PCSK1: variants seen among roughly 807,000 people sequenced by gnomAD.
PCSK1 encodes the protein proprotein convertase subtilisin/kexin type 1.
A neutral mutation model predicts 90.6 loss-of-function variants in PCSK1; 56 were observed. The observed-to-expected ratio is 0.62, with a 90% CI of 0.50 to 0.77. The LOEUF is 0.77. PCSK1 is among the 30% of genes least tolerant of loss of function. PCSK1 has a pLI of 0.00. For missense variants in PCSK1, 801 were observed against 932.6 expected (o/e 0.86, Z 1.84); for synonymous variants, 348 against 342.4 (o/e 1.02, Z -0.18).
chr5:96,414,649 C>T (rs1230174291), intron 6 of PCSK1, among the ~76,000 whole-genome samples: 1 of 152,176 alleles, frequency 6.6e-6, no homozygotes, highest in African/African-American at 2.4e-5. Flanking sequence ...TCTACACTGC[C>T]ACAAACTTGC....
chr5:96,413,963 CAAAAAAAAAAAA>C (rs61316405), intron 6 of PCSK1, among the ~76,000 whole-genome samples: 1 of 22,436 alleles, frequency 4.5e-5, no homozygotes. Context: ...ACTAAAAATA[CAAAAAAAAAAAA>C]AAAAAAAAAA....
At chr5:96,426,783 T>G (rs1477860208) in intron 2 of PCSK1, among the ~76,000 whole-genome samples, 1 of 152,200 alleles carries the variant, frequency 6.6e-6, no homozygotes, top group African/African-American at 2.4e-5. Flanking sequence ...ATTGTTAATG[T>G]GAGAGTACTC....
intron 6 of PCSK1, chr5:96,412,967 C>G: frequency 9.9e-7 from 1 of 1,010,188 alleles, no homozygotes; most frequent in Non-Finnish European, 1.2e-6. Context: ...GATGCACCTC[C>G]TCATGGCTGT....
In PCSK1 at chr5:96,410,177, G is replaced by A. The variant is rs75859901; in HGVS notation, c.1095+597C>T. Among the ~76,000 whole-genome samples the A allele has an allele frequency of 7.6e-3, 1,160 of 152,174 alleles. 16 individuals carry two copies. The highest frequency in any genetic ancestry group is 0.026 in the African/African-American group (1,092 of 41,514). On this transcript the variant is annotated intron_variant, in intron 8 of 13. Transcript: ENST00000311106. ...GGAAATCCAGTAATTGCCCTTGGCC[G>A]TCTGACTCATGGAAGCAAAGGCGCA...
intron 9 of PCSK1, among the ~76,000 whole-genome samples, chr5:96,403,439 G>A (rs138940599): frequency 2.3e-3 from 353 of 151,992 alleles, no homozygotes; most frequent in African/African-American, 8.3e-3. Context: ...GACAGGCCCC[G>A]GTGTATTTTT....
chr5:96,424,168 G>A (rs903179845), intron 3 of PCSK1, among the ~76,000 whole-genome samples: 4 of 152,286 alleles, frequency 2.6e-5, no homozygotes, highest in Non-Finnish European at 4.4e-5. Context: ...AGAATGCCAG[G>A]TACCCGGTGA....
At chr5:96,396,297 A>G (rs1369890414) in intron 12 of PCSK1, among the ~76,000 whole-genome samples, 3 of 152,206 alleles carry the variant, frequency 2.0e-5, no homozygotes, top group African/African-American at 7.2e-5. Context: ...GTGGTGGCTT[A>G]CACCTGTAAT....
rs1451878228 is a variant in PCSK1 at position 96,412,750 on chromosome 5, A to ATTTTTTT, written c.710-261_710-260insAAAAAAA. ...ACCATGCACTGTGTAGGCAGCTGTG[A>ATTTTTTT]TGTTTTTTTTTTTTTTTTTTTTTTT... On this transcript the variant is annotated intron_variant, in intron 6 of 13. Transcript: ENST00000311106. Among the ~76,000 whole-genome samples, 106 of 63,396 alleles carry ATTTTTTT rather than the reference A, an allele frequency of 1.7e-3. 2 individuals carry two copies. Among genetic ancestry groups the ATTTTTTT allele is most frequent in the African/African-American group, 8.3e-3 (105 of 12,588 alleles). The allele number at this position is 63,396 out of a possible 152,430, so 41.6% of individuals were successfully genotyped here.
chr5:96,426,061 A>C (rs1423766347), intron 2 of PCSK1, 131 bp from the exon 3 acceptor site: 1 of 690,242 alleles, frequency 1.4e-6, no homozygotes, highest in African/African-American at 1.8e-5. Flanking sequence ...ACTACAGATT[A>C]AACTGGCACC....
rs764491977 is a variant in PCSK1, at chr5:96,410,797, C to T, written c.1072G>A (p.Gly358Arg). Residue 358 changes from glycine to arginine, a missense_variant, in exon 8 of 14, where the codon GGA becomes AGA. Physicochemically the swap from Gly to Arg is moderately radical, Grantham distance 125. Transcript: ENST00000311106. ...ACGATTCTCTGGTCGGTGTAATCTC[C>T]GCTGCTGTAAGAGGTGGCCAGTGTG... The part of the protein sequence containing the change: ...SSTLATSYSS[G>R]DYTDQRITSA... 7 of 1,613,972 alleles carry T rather than the reference C, an allele frequency of 4.3e-6. No individual in the cohort carries two copies. The highest frequency in any genetic ancestry group is 1.1e-5 in the South Asian group (1 of 91,072).
Position 96,400,121 on chromosome 5 carries a change from G to A in PCSK1, c.1262C>T (p.Ala421Val), listed in dbSNP as rs1284521818. 3 of 1,613,984 alleles carry A rather than the reference G, an allele frequency of 1.9e-6. No homozygotes were observed. The highest frequency in any genetic ancestry group is 2.5e-6 in the Non-Finnish European group (3 of 1,179,998). Residue 421 changes from alanine (A) to valine (V), a missense_variant, in exon 10 of 14, where the codon GCC (alanine) becomes GTC (valine). Transcript: ENST00000311106. ...ATTCTTTTTCCATCCAGGGTTATTGGCCAGCGGGTCATACTCAGAGGTCCA... is the reference window on the plus strand; with the variant it reads ...ATTCTTTTTCCATCCAGGGTTATTGACCAGCGGGTCATACTCAGAGGTCCA... The part of the protein sequence containing the change: ...VVWTSEYDPL[A>V]NNPGWKKNGA...
rs3811944 is a variant in PCSK1, at chr5:96,417,285, A to C, written c.621-1164T>G. Among the ~76,000 whole-genome samples the C allele has an allele frequency of 7.2e-4, 109 of 152,304 alleles. 1 individual carries two copies. Among genetic ancestry groups the C allele is most frequent in the African/African-American group, 2.6e-3 (107 of 41,582 alleles). On this transcript the variant is annotated intron_variant, in intron 5 of 13. Transcript: ENST00000311106. The stretch of plus-strand genomic sequence containing the variant: ...CACAAAATAAGATTCCTGCTCCTTC[A>C]TGTTAATCCTGGCTAGGAATTCTAA...
intron 2 of PCSK1, 107 bp from the exon 3 acceptor site, chr5:96,426,037 A>C (rs1761297329): frequency 1.4e-6 from 1 of 720,372 alleles, no homozygotes; most frequent in Non-Finnish European, 2.5e-6. Flanking sequence ...GCAGCTCTGC[A>C]ATATTTTCAT....
chr5:96,394,981 C>G lies in PCSK1; in HGVS notation c.1767G>C (p.Leu589=). The G allele has an allele frequency of 1.2e-6, 2 of 1,614,076 alleles. No homozygotes were observed. The highest frequency in any genetic ancestry group is 2.2e-5 in the South Asian group (2 of 91,088). The part of the protein sequence containing the change: ...QNEGRIVNWK[L]ILHGTSSQPE... ...GCTGAGAAGAGGTCCCGTGCAAAAT[C>G]AGCTTCCAGTTCACAATTCTTCCTT... The change falls in exon 13 of 14, where the codon CTG becomes CTC. Residue 589 remains leucine (L), a synonymous_variant. Coordinates refer to ENST00000311106, the MANE Select transcript of PCSK1 (RefSeq NM_000439.5).
intron 13 of PCSK1, 23 bp downstream of exon 13, chr5:96,394,841 G>T (rs1420741102): frequency 8.1e-6 from 13 of 1,611,574 alleles, no homozygotes; most frequent in Non-Finnish European, 1.1e-5. Context: ...AAGAGAGCAT[G>T]CCAAGAACAG....
intron 8 of PCSK1, 113 bp from the exon 9 acceptor site, chr5:96,408,436 T>C: frequency 1.3e-6 from 1 of 744,750 alleles, no homozygotes; most frequent in East Asian, 2.7e-5. Flanking sequence ...GAAACTCAGC[T>C]GATTCGATTG....
At chr5:96,412,546 C>G in intron 6 of PCSK1, 56 bp from the exon 7 acceptor site, 7 of 1,452,174 alleles carry the variant, frequency 4.8e-6, no homozygotes, top group Non-Finnish European at 6.8e-6. Context: ...TGTACATGGA[C>G]AAAAGCCCAA....
intron 1 of PCSK1, chr5:96,432,008 C>A: frequency 9.4e-7 from 1 of 1,069,234 alleles, no homozygotes; most frequent in Non-Finnish European, 1.4e-6. Flanking sequence ...CCACCTCCAA[C>A]CAGCTACCTA....
At chr5:96,403,201 TTATC>T (rs1171546177) in intron 9 of PCSK1, among the ~76,000 whole-genome samples, 9 of 152,214 alleles carry the variant, frequency 5.9e-5, no homozygotes, top group East Asian at 1.9e-4. Context: ...AAAATTTCCT[TTATC>T]TAGTCTCTGC....
Sources: gnomAD v4.1 joint callset for allele counts (sites outside exome capture counted in the v4.1 genomes callset) on GRCh38, gnomAD v4.1.1 for gene constraint, MANE v1.5 for transcripts, NCBI Gene and HGNC (gene_info 2026-07-23, HGNC 2026-07-21) for gene names.